Variants in CBFB observed in about 807,000 individuals in gnomAD.
CBFB encodes CBF-beta.
A neutral mutation model predicts 30.4 loss-of-function variants in CBFB; 9 were observed. The ratio of observed to expected loss-of-function variants is 0.30; its 90% CI spans 0.18 to 0.52. The LOEUF is 0.52. Among genes scored for constraint, CBFB ranks in the 20% least tolerant of loss-of-function variants. The pLI, the probability that CBFB is intolerant of heterozygous loss-of-function variation, is 0.97. For missense variants in CBFB, 170 were observed against 244.0 expected (o/e 0.70, Z 2.02); for synonymous variants, 94 against 84.0 (o/e 1.12, Z -0.65).
intron 3 of CBFB, among the ~76,000 whole-genome samples, chr16:67,037,216 A>G (rs1966456273): frequency 6.6e-6 from 1 of 152,132 alleles, no homozygotes; most frequent in South Asian, 2.1e-4. Context: ...TTTTAAAACC[A>G]CTGTTAAACT....
intron 5 of CBFB, among the ~76,000 whole-genome samples, chr16:67,095,210 CAAAAA>C (rs71145959): frequency 2.2e-4 from 6 of 27,070 alleles, no homozygotes; most frequent in African/African-American, 3.6e-4. Context: ...AAGTGTGTCT[CAAAAA>C]AAAAAAAAAA....
intron 3 of CBFB, among the ~76,000 whole-genome samples, chr16:67,056,109 C>T (rs2145737786): frequency 6.6e-6 from 1 of 152,252 alleles, no homozygotes; most frequent in South Asian, 2.1e-4. Context: ...GTCAGTGTTG[C>T]TGTGATGTTC....
intron 5 of CBFB, among the ~76,000 whole-genome samples, chr16:67,083,500 T>C (rs1961629591): frequency 6.6e-6 from 1 of 152,104 alleles, no homozygotes; most frequent in African/African-American, 2.4e-5. Flanking sequence ...TTCACCATGT[T>C]GGTCAGGCTG....
At chr16:67,032,806 A>G (rs1020662557) in intron 2 of CBFB, among the ~76,000 whole-genome samples, 1 of 152,244 alleles carries the variant, frequency 6.6e-6, no homozygotes, top group Non-Finnish European at 1.5e-5. Context: ...GGATATCCAT[A>G]GTTCTCAAAA....
At chr16:67,083,971 C>A (rs1961641802) in intron 5 of CBFB, among the ~76,000 whole-genome samples, 1 of 151,618 alleles carries the variant, frequency 6.6e-6, no homozygotes, top group South Asian at 2.1e-4. Context: ...GAATTTTAGA[C>A]CATCTTGGGC....
Position 67,029,770 on chromosome 16 carries a change from A to G in CBFB, c.122A>G (p.Gln41Arg). 6.3e-7 allele frequency: 1 copy of G among 1,595,940 alleles called. No individual in the cohort carries two copies. The highest frequency in any genetic ancestry group is 8.5e-7 in the Non-Finnish European group (1 of 1,172,954). ...GFRDRPHEERQARFQNACRDG... is the reference protein window; with the variant it reads ...GFRDRPHEERRARFQNACRDG... ...AGGGACCGGCCCCACGAGGAACGCC[A>G]GGCACGCTTCCAGAACGCCTGCCGC... is the stretch of plus-strand genomic sequence containing the variant. Residue 41 changes from glutamine to arginine, a missense_variant, in exon 2 of 6, where the codon CAG (glutamine) becomes CGG (arginine). Gln to Arg is a conservative substitution (Grantham distance 43, BLOSUM62 1). Coordinates refer to ENST00000412916, the MANE Select transcript of CBFB (RefSeq NM_022845.3).
chr16:67,078,234 T>G (rs1333905771), intron 4 of CBFB, among the ~76,000 whole-genome samples: 1 of 152,238 alleles, frequency 6.6e-6, no homozygotes, highest in South Asian at 2.1e-4. Context: ...ACTGCACATA[T>G]GTCTCACATG....
At chr16:67,094,997 C>A (rs1480461081) in intron 5 of CBFB, among the ~76,000 whole-genome samples, 1 of 151,726 alleles carries the variant, frequency 6.6e-6, no homozygotes, top group Non-Finnish European at 1.5e-5. Context: ...GCAAGAGGAT[C>A]ACCTGAGGTC....
At chr16:67,077,910 T>G (rs1961447144) in intron 4 of CBFB, among the ~76,000 whole-genome samples, 1 of 152,186 alleles carries the variant, frequency 6.6e-6, no homozygotes, top group African/African-American at 2.4e-5. Context: ...CCCAGCCATG[T>G]TTTATGATGA....
intron 3 of CBFB, among the ~76,000 whole-genome samples, chr16:67,044,871 A>G (rs1389686178): frequency 6.6e-6 from 1 of 152,188 alleles, no homozygotes; most frequent in African/African-American, 2.4e-5. Context: ...TCTCTATGGT[A>G]AAGCTTTGGA....
At chr16:67,086,440 A>G (rs1251776031) in intron 5 of CBFB, among the ~76,000 whole-genome samples, 4 of 152,164 alleles carry the variant, frequency 2.6e-5, no homozygotes, top group Non-Finnish European at 4.4e-5. Context: ...TGTTGAAACA[A>G]TTATAAACAT....
At chr16:67,057,467 T>C (rs867511000) in intron 3 of CBFB, among the ~76,000 whole-genome samples, 1 of 152,204 alleles carries the variant, frequency 6.6e-6, no homozygotes, top group Admixed American at 6.5e-5. Context: ...TTCACAGACG[T>C]GGCATTGCTG....
At chr16:67,065,899 C>A (rs1961037805) in intron 3 of CBFB, among the ~76,000 whole-genome samples, 1 of 152,080 alleles carries the variant, frequency 6.6e-6, no homozygotes, top group South Asian at 2.1e-4. Context: ...TGTGAAATAG[C>A]TTGAATTAAA....
chr16:67,031,702 G>GACAA, intron 2 of CBFB, among the ~76,000 whole-genome samples: 1 of 151,924 alleles, frequency 6.6e-6, no homozygotes, highest in Admixed American at 6.6e-5. Context: ...TAGTAGAGAC[G>GACAA]GGGTTTCACC....
chr16:67,036,357 G>A (rs1567603941), intron 2 of CBFB: 2 of 321,386 alleles, frequency 6.2e-6, no homozygotes, highest in Non-Finnish European at 1.1e-5. Flanking sequence ...TTAGACATTA[G>A]CAGTGTGAGA....
At chr16:67,095,285 G>C (rs1283885627) in intron 5 of CBFB, among the ~76,000 whole-genome samples, 2 of 151,042 alleles carry the variant, frequency 1.3e-5, no homozygotes, top group Non-Finnish European at 2.9e-5. Flanking sequence ...TTGGGAGGCT[G>C]AGGTGGGCTG....
At chr16:67,083,254 C>T (rs1235061884) in intron 5 of CBFB, among the ~76,000 whole-genome samples, 1 of 151,960 alleles carries the variant, frequency 6.6e-6, no homozygotes, top group Non-Finnish European at 1.5e-5. Context: ...TACATCTAAT[C>T]ATGACTTTCT....
chr16:67,074,405 A>G (rs1295026024), intron 4 of CBFB, among the ~76,000 whole-genome samples: 2 of 147,718 alleles, frequency 1.4e-5, no homozygotes, highest in Admixed American at 6.7e-5. Flanking sequence ...TTTTTTTGAG[A>G]CAGAGTCTAG....
intron 3 of CBFB, among the ~76,000 whole-genome samples, chr16:67,048,854 CTTG>C (rs1374964729): frequency 2.6e-5 from 3 of 114,052 alleles, no homozygotes; most frequent in African/African-American, 6.8e-5. Flanking sequence ...GAGTTTCACT[CTTG>C]TTGTCCAGAC....
Sources: allele counts gnomAD v4.1 joint callset (sites outside exome capture counted in the v4.1 genomes callset), GRCh38; gene constraint gnomAD v4.1.1; transcripts MANE v1.5; gene names NCBI Gene and HGNC (gene_info 2026-07-23, HGNC 2026-07-21).